KLHL32: variants seen among roughly 807,000 people sequenced by gnomAD.
KLHL32 encodes the protein kelch-like protein 32.
A neutral mutation model predicts 64.8 loss-of-function variants in KLHL32; 35 were observed. The ratio of observed to expected loss-of-function variants is 0.54; its 90% CI spans 0.41 to 0.72. The LOEUF is 0.72. Ranked by LOEUF, KLHL32 falls within the 30% of genes least tolerant of loss-of-function variation. The pLI is 0.00. For synonymous variants in KLHL32, 259 were observed against 281.0 expected (o/e 0.92, Z 0.78); for missense variants, 589 against 768.5 (o/e 0.77, Z 2.76).
At chr6:97,117,522 T>A (rs1281503120) in intron 7 of KLHL32, among the ~76,000 whole-genome samples, 1 of 152,198 alleles carries the variant, frequency 6.6e-6, no homozygotes, top group Admixed American at 6.5e-5. Flanking sequence ...TTTATAGTTT[T>A]TAAAAGTATG....
At chr6:97,022,433 G>C (rs1318676791) in intron 3 of KLHL32, among the ~76,000 whole-genome samples, 2 of 149,906 alleles carry the variant, frequency 1.3e-5, no homozygotes, top group East Asian at 3.9e-4. Context: ...TACCTTCTCA[G>C]AAAGGAGGAC....
In KLHL32 at chr6:97,140,137, T is replaced by C. The variant is rs1413818520; in HGVS notation, c.*855T>C. ...ATTTGGAAACATGTTGTGGAATAAA[T>C]GATTCTAAAAAGCATGTGAAAGAGA... is the stretch of plus-strand genomic sequence containing the variant. On this transcript the variant is annotated 3_prime_UTR_variant, in exon 11 of 11. Coordinates refer to ENST00000369261, the MANE Select transcript of KLHL32 (RefSeq NM_052904.4). 6.6e-6 allele frequency: 1 copy of C among 152,104 alleles called. No individual in the cohort carries two copies. Among genetic ancestry groups the C allele is most frequent in the Non-Finnish European group, 1.5e-5 (1 of 67,982 alleles). The allele number at this position is 152,104 out of a possible 1,614,324, so 9.4% of individuals were successfully genotyped here.
chr6:96,936,001 T>C (rs1770551370), intron 1 of KLHL32, among the ~76,000 whole-genome samples: 1 of 152,156 alleles, frequency 6.6e-6, no homozygotes, highest in South Asian at 2.1e-4. Context: ...TATCCCAACA[T>C]TGATTGGGCC....
At chr6:97,063,706 G>A (rs551135389) in intron 4 of KLHL32, among the ~76,000 whole-genome samples, 5 of 152,322 alleles carry the variant, frequency 3.3e-5, no homozygotes, top group Non-Finnish European at 7.4e-5. Context: ...TACTGATTCA[G>A]TATGTCTGGG....
chr6:97,129,252 T>C (rs1326943622), intron 8 of KLHL32, among the ~76,000 whole-genome samples: 1 of 152,228 alleles, frequency 6.6e-6, no homozygotes, highest in Non-Finnish European at 1.5e-5. Flanking sequence ...CCTTACAGTT[T>C]TGTGAAATGG....
chr6:96,955,339 C>A (rs1297936064), intron 1 of KLHL32, among the ~76,000 whole-genome samples: 1 of 152,096 alleles, frequency 6.6e-6, no homozygotes, highest in Non-Finnish European at 1.5e-5. Context: ...CCTTTCTTGT[C>A]TCCTGCTGAG....
Position 97,005,790 on chromosome 6 carries a change from G to T in KLHL32, c.204+29613G>T, listed in dbSNP as rs1053444147. ...AATTTCCATATAATTGTGTGGTTTTGAGAGATTTTCTTAGTATTAATGTCT... is the reference window on the plus strand; with the variant it reads ...AATTTCCATATAATTGTGTGGTTTTTAGAGATTTTCTTAGTATTAATGTCT... On this transcript the variant is annotated intron_variant, in intron 3 of 10. Transcript: ENST00000369261. Among the ~76,000 whole-genome samples, 12 of 152,118 alleles carry T rather than the reference G, an allele frequency of 7.9e-5. 1 individual carries two copies. Among genetic ancestry groups the T allele is most frequent in the Admixed American group, 7.9e-4 (12 of 15,264 alleles).
At chr6:97,110,764 G>A (rs915621624) in intron 6 of KLHL32, among the ~76,000 whole-genome samples, 2 of 152,186 alleles carry the variant, frequency 1.3e-5, no homozygotes, top group African/African-American at 2.4e-5. Flanking sequence ...CTTTGCAGGC[G>A]GGAACCGGAG....
chr6:96,968,659 C>T (rs1355016104), intron 2 of KLHL32, among the ~76,000 whole-genome samples: 1 of 152,170 alleles, frequency 6.6e-6, no homozygotes, highest in Non-Finnish European at 1.5e-5. Context: ...TGCTTCAACC[C>T]AGAGCCCTCC....
At chr6:97,027,419 T>G (rs564512389) in intron 3 of KLHL32, among the ~76,000 whole-genome samples, 2 of 152,186 alleles carry the variant, frequency 1.3e-5, no homozygotes, top group Non-Finnish European at 2.9e-5. Context: ...TTATGACAAA[T>G]TGAAACTTGT....
intron 2 of KLHL32, among the ~76,000 whole-genome samples, chr6:96,970,133 T>C (rs971251015): frequency 1.3e-5 from 2 of 152,172 alleles, no homozygotes; most frequent in East Asian, 3.9e-4. Flanking sequence ...TGAGTGCTCC[T>C]TGGGCTCCAA....
chr6:97,135,244 G>A (rs1028304293), intron 10 of KLHL32, among the ~76,000 whole-genome samples: 13 of 151,004 alleles, frequency 8.6e-5, no homozygotes, highest in Non-Finnish European at 1.9e-4. Flanking sequence ...GGCAAATACT[G>A]CGTTTATTCC....
intron 1 of KLHL32, among the ~76,000 whole-genome samples, chr6:96,930,415 C>G (rs1037314681): frequency 6.6e-6 from 1 of 152,138 alleles, no homozygotes; most frequent in Non-Finnish European, 1.5e-5. Flanking sequence ...CCCTCTAACT[C>G]TCATTTTCCT....
chr6:97,024,455 C>T (rs150159109), intron 3 of KLHL32, among the ~76,000 whole-genome samples: 69 of 150,932 alleles, frequency 4.6e-4, no homozygotes, highest in Non-Finnish European at 6.5e-4. Flanking sequence ...AAACTGAGCA[C>T]ATTTCATTAA....
chr6:96,958,564 G>A (rs1020875954), intron 1 of KLHL32, among the ~76,000 whole-genome samples: 4 of 152,154 alleles, frequency 2.6e-5, no homozygotes, highest in Non-Finnish European at 4.4e-5. Flanking sequence ...TGGTAGTGTT[G>A]GAAGGGGTAC....
the KLHL32 span, among the ~76,000 whole-genome samples, chr6:96,903,446 C>T: frequency 1.3e-5 from 2 of 152,074 alleles, no homozygotes; most frequent in African/African-American, 4.8e-5. Context: ...TATAAGACCA[C>T]CTTAGGAGAC....
At chr6:96,992,207 C>T (rs1007407749) in intron 3 of KLHL32, among the ~76,000 whole-genome samples, 3 of 152,220 alleles carry the variant, frequency 2.0e-5, no homozygotes, top group Admixed American at 6.5e-5. Context: ...TGCCGGTGTC[C>T]GGTACCAGGG....
At chr6:97,130,538 C>T (rs985609506) in intron 8 of KLHL32, among the ~76,000 whole-genome samples, 6 of 152,086 alleles carry the variant, frequency 3.9e-5, no homozygotes, top group African/African-American at 1.2e-4. Flanking sequence ...GAGGAGATGC[C>T]GTGTGTAAAT....
intron 6 of KLHL32, among the ~76,000 whole-genome samples, chr6:97,108,378 C>A (rs75013514): frequency 6.6e-6 from 1 of 151,780 alleles, no homozygotes; most frequent in Non-Finnish European, 1.5e-5. Flanking sequence ...GCTTAAGCAC[C>A]GAAATATACC....
Sources: gnomAD v4.1 joint callset for allele counts (sites outside exome capture counted in the v4.1 genomes callset) on GRCh38, gnomAD v4.1.1 for gene constraint, MANE v1.5 for transcripts, NCBI Gene and HGNC (gene_info 2026-07-23, HGNC 2026-07-21) for gene names.